The following PYGM variants were observed in gnomAD, a reference collection of about 807,000 sequenced individuals.
PYGM encodes the protein glycogen phosphorylase, muscle associated, also known as glycogen phosphorylase, muscle form.
Under a neutral mutation model 99.3 loss-of-function variants are expected in PYGM, and 81 were observed. The observed-to-expected ratio is 0.82, with a 90% CI of 0.68 to 0.98. The LOEUF (loss-of-function observed/expected upper bound fraction) is 0.98, where lower values mean the gene tolerates loss of function less well. Among genes scored for constraint, PYGM ranks in the 50% least tolerant of loss-of-function variants. The pLI is 0.00. For synonymous variants in PYGM, 436 were observed against 451.5 expected (o/e 0.97, Z 0.44); for missense variants, 1,030 against 1,158.1 (o/e 0.89, Z 1.61).
Position 64,754,435 on chromosome 11 carries a change from C to G in PYGM, c.1000-90G>C. On this transcript the variant is annotated intron_variant, in intron 8 of 19. Transcript: ENST00000164139. The surrounding 1 kb of genome is among the most constrained non-coding windows in gnomAD (Gnocchi z 5.5). ...TGCCATTTGGAGGCCCCCAGAGAGC[C>G]CAGCACGGTTCTGTGACTGGGCTGT... 2 of 1,254,286 alleles carry G rather than the reference C, an allele frequency of 1.6e-6. No homozygotes were observed. The highest frequency in any genetic ancestry group is 2.3e-6 in the Non-Finnish European group (2 of 871,002). 77.7% of individuals were successfully genotyped at this position (1,254,286 alleles called of 1,614,324 possible).
At position 64,751,924 on chromosome 11, in the gene PYGM, G is replaced by A. The variant is rs368545367; in HGVS notation, c.1768C>T (p.Arg590Cys). The change falls in exon 14 of 20, where the codon CGC (arginine) becomes TGC (cysteine). Residue 590 changes from arginine (R) to cysteine (C), a missense_variant and splice_region_variant. Transcript: ENST00000164139. ...NCLHVITLYNRIKREPNKFFV... is the reference protein window; with the variant it reads ...NCLHVITLYNCIKREPNKFFV... The stretch of plus-strand genomic sequence containing the variant: ...ACAGGGTAGAGTGGCTGCCACTCAC[G>A]GTTGTACAGGGTGATGACATGGAGG... The A allele has an allele frequency of 4.3e-6, 7 of 1,614,062 alleles. No individual in the cohort carries two copies. The highest frequency in any genetic ancestry group is 1.3e-5 in the African/African-American group (1 of 74,914).
In PYGM at chr11:64,758,637, G is replaced by T; in HGVS notation, c.311C>A (p.Ala104Asp). The T allele has an allele frequency of 6.2e-7, 1 of 1,613,714 alleles. No homozygotes were observed. Among genetic ancestry groups the T allele is most frequent in the Non-Finnish European group, 8.5e-7 (1 of 1,179,650 alleles). ...GGCCTCGTCACAGGCATTCTCTAAG[G>T]CCAGGTTCACCATGGTGTTCTGTAG... ...RTLQNTMVNLALENACDEATY... is the reference protein window; with the variant it reads ...RTLQNTMVNLDLENACDEATY... Residue 104 changes from alanine (A) to aspartate (D), a missense_variant, in exon 2 of 20, where the codon GCC becomes GAC. Ala to Asp is a moderately radical substitution (Grantham distance 126). Coordinates refer to ENST00000164139, the MANE Select transcript of PYGM (RefSeq NM_005609.4).
rs1416496920 is a variant in PYGM at position 64,747,361 on chromosome 11, GC to G, written c.2178-4del. 2.5e-6 allele frequency: 4 copies of G among 1,614,076 alleles called. No homozygotes were observed. Among genetic ancestry groups the G allele is most frequent in the Non-Finnish European group, 3.4e-6 (4 of 1,180,038 alleles). ...CGTAGTACTCCTGGGCATTGTACCT[GC>G]CAGGACAGAGCTGTGGTCAGCTCCC... On this transcript the variant is annotated splice_region_variant and splice_polypyrimidine_tract_variant and intron_variant, in intron 17 of 19. Coordinates refer to ENST00000164139, the MANE Select transcript of PYGM (RefSeq NM_005609.4).
In PYGM at chr11:64,746,694, G is replaced by A. The variant is rs757670205; in HGVS notation, c.2494C>T (p.Arg832Cys). The A allele has an allele frequency of 5.0e-6, 8 of 1,614,178 alleles. No individual in the cohort carries two copies. Among genetic ancestry groups the A allele is most frequent in the Middle Eastern group, 1.6e-4 (1 of 6,062 alleles). The change falls in exon 20 of 20, where the codon CGC (arginine) becomes TGC (cysteine). Residue 832 changes from arginine (R) to cysteine (C), a missense_variant. Physicochemically the swap from Arg to Cys is radical, Grantham distance 180. Coordinates refer to ENST00000164139, the MANE Select transcript of PYGM (RefSeq NM_005609.4). Reference sequence around the variant, plus strand: ...TCATCCGGGGCTGGCAGGCGCTGGCGGGAAGGCTCCACACCCCAGATCTCC... The same window carrying A: ...TCATCCGGGGCTGGCAGGCGCTGGCAGGAAGGCTCCACACCCCAGATCTCC... ...AREIWGVEPS[R>C]QRLPAPDEAI
At chr11:64,751,856 G>A in intron 14 of PYGM, 68 bp downstream of exon 14, 1 of 1,599,288 alleles carries the variant, frequency 6.3e-7, no homozygotes, top group Non-Finnish European at 8.6e-7. Context: ...TGTTGGTTGG[G>A]CAATATGTAC....
In PYGM at chr11:64,754,402, C is replaced by T. The variant is rs2058380504; in HGVS notation, c.1000-57G>A. On this transcript the variant is annotated intron_variant, in intron 8 of 19. Coordinates refer to ENST00000164139, the MANE Select transcript of PYGM (RefSeq NM_005609.4). The surrounding 1 kb of genome is among the most constrained non-coding windows in gnomAD (Gnocchi z 5.5). The stretch of plus-strand genomic sequence containing the variant: ...CAAACCACATTCCATGCTATGGTCA[C>T]TGCCCTATGCCATTTGGAGGCCCCC... 11 of 1,434,898 alleles carry T rather than the reference C, an allele frequency of 7.7e-6. No individual in the cohort carries two copies. The South Asian group carries it at 1.1e-4, about 15-fold the overall frequency. The allele number at this position is 1,434,898 out of a possible 1,614,324, so 88.9% of individuals were successfully genotyped here. A position where few individuals can be genotyped will look rare whatever the true frequency, so the allele number is the denominator to read the frequency against.
chr11:64,750,395 C>T lies in PYGM; in HGVS notation c.2158G>A (p.Asp720Asn), dbSNP rs1345296605. Residue 720 changes from aspartate (D) to asparagine (N), a missense_variant, in exon 17 of 20, where the codon GAT (aspartate) becomes AAT (asparagine). Physicochemically the swap from Asp to Asn is conservative, Grantham distance 23. Transcript: ENST00000164139. ...CCATACCCTCTTTGGTCAAGCTTAT[C>T]CACATCCTCCACCCGCATGCCAAAG... Reference protein sequence around the residue: ...FIFGMRVEDVDKLDQRGYNAQ... With the variant: ...FIFGMRVEDVNKLDQRGYNAQ... The T allele has an allele frequency of 1.2e-6, 2 of 1,614,120 alleles. No individual in the cohort carries two copies. Among genetic ancestry groups the T allele is most frequent in the Admixed American group, 3.3e-5 (2 of 60,014 alleles).
At chr11:64,747,542 C>T (rs1463537123) in intron 17 of PYGM, 184 bp from the exon 18 acceptor site, 10 of 697,382 alleles carry the variant, frequency 1.4e-5, no homozygotes, top group Admixed American at 2.5e-5. Context: ...CTTTTCATCC[C>T]TCCTTTGTGA....
At chr11:64,751,754 A>G in intron 14 of PYGM, 99 bp from the exon 15 acceptor site, 1 of 1,538,322 alleles carries the variant, frequency 6.5e-7, no homozygotes, top group Non-Finnish European at 9.0e-7. Flanking sequence ...TGACTCGAAC[A>G]ATCACTTGCT....
At position 64,759,809 on chromosome 11, in the gene PYGM, C is replaced by T; in HGVS notation, c.90G>A (p.Lys30=). ...TGAAATGCAGGTGCCGGTTGAAGTT[C>T]TTTTTCAGCTCAGTCACGTTCTCCA... The part of the protein sequence containing the change: ...AGVENVTELK[K]NFNRHLHFTL... Residue 30 remains lysine, a synonymous_variant, in exon 1 of 20, where the codon AAG becomes AAA. Coordinates refer to ENST00000164139, the MANE Select transcript of PYGM (RefSeq NM_005609.4). 5 of 1,614,182 alleles carry T rather than the reference C, an allele frequency of 3.1e-6. No homozygotes were observed. Among genetic ancestry groups the T allele is most frequent in the Non-Finnish European group, 4.2e-6 (5 of 1,180,028 alleles).
intron 17 of PYGM, 159 bp from the exon 18 acceptor site, chr11:64,747,517 C>G (rs2058323581): frequency 1.2e-6 from 1 of 809,168 alleles, no homozygotes; most frequent in South Asian, 1.5e-5. Flanking sequence ...CCTGCAACTC[C>G]CCTTCTCTGC....
At chr11:64,747,603 G>A in intron 17 of PYGM, 1 of 539,890 alleles carries the variant, frequency 1.9e-6, no homozygotes, top group Non-Finnish European at 3.3e-6. Context: ...TTAGAGCCAA[G>A]GCCCCCAAAC....
chr11:64,758,549 A>C, intron 2 of PYGM, 34 bp from the exon 3 acceptor site: 1 of 1,613,868 alleles, frequency 6.2e-7, no homozygotes, highest in Non-Finnish European at 8.5e-7. Flanking sequence ...GTCAGGGTCA[A>C]GTGTCAGCAG....
At chr11:64,751,243 A>G (rs1299407661) in intron 16 of PYGM, 82 bp downstream of exon 16, 49 of 1,578,612 alleles carry the variant, frequency 3.1e-5, no homozygotes, top group Non-Finnish European at 4.2e-5. Flanking sequence ...AAGTACAAGT[A>G]TCCCAGGAAG....
chr11:64,758,002 T>G (rs2135839543), intron 4 of PYGM, 92 bp from the exon 5 acceptor site: 1 of 1,561,264 alleles, frequency 6.4e-7, no homozygotes, highest in Non-Finnish European at 8.7e-7. Flanking sequence ...CGTGGGCCGG[T>G]GTACCCTACA....
At position 64,757,914 on chromosome 11, in the gene PYGM, C is replaced by T. The variant is rs766719801; in HGVS notation, c.529-4G>A. Reference sequence around the variant, plus strand: ...GCCAGTCATCGGCCTCCTCCATCTGCACCCAAGGCAGGTCAGGGAGAAAGG... The same window carrying T: ...GCCAGTCATCGGCCTCCTCCATCTGTACCCAAGGCAGGTCAGGGAGAAAGG... On this transcript the variant is annotated splice_polypyrimidine_tract_variant and splice_region_variant and intron_variant, in intron 4 of 19. Coordinates refer to ENST00000164139, the MANE Select transcript of PYGM (RefSeq NM_005609.4). The T allele has an allele frequency of 6.2e-6, 10 of 1,613,812 alleles. 1 individual carries two copies. The Admixed American group carries it at 8.3e-5, about 13-fold the overall frequency.
Position 64,753,509 on chromosome 11 carries a change from C to G in PYGM, c.1403+10G>C, listed in dbSNP as rs111318315. 6.3e-7 allele frequency: 1 copy of G among 1,579,062 alleles called. No homozygotes were observed. On this transcript the variant is annotated intron_variant, in intron 11 of 19. Transcript: ENST00000164139. The stretch of plus-strand genomic sequence containing the variant: ...CTAGAGAGGGGCGGGATCTGGAAAG[C>G]GGGGCTCACATGGTCTTCTTGAGGA...
Position 64,752,507 on chromosome 11 carries a change from A to C in PYGM, c.1519-3T>G, listed in dbSNP as rs745839996. 1.2e-6 allele frequency: 2 copies of C among 1,612,988 alleles called. No homozygotes were observed. The highest frequency in any genetic ancestry group is 4.5e-5 in the East Asian group (2 of 44,878). On this transcript the variant is annotated splice_polypyrimidine_tract_variant and splice_region_variant and intron_variant, in intron 12 of 19. Transcript: ENST00000164139. The stretch of plus-strand genomic sequence containing the variant: ...GAGATGAAGTCCTCCCCGATGCGCT[A>C]TGGGAAGACGGCTCTCAGCCAAGCC...
At chr11:64,751,297 C>T (rs1324012437) in intron 16 of PYGM, 28 bp downstream of exon 16, 22 of 1,613,768 alleles carry the variant, frequency 1.4e-5, no homozygotes, top group Non-Finnish European at 1.9e-5. Context: ...GTCAGAGCCT[C>T]CCTAGGGTCC....
Sources: allele counts gnomAD v4.1 joint callset, GRCh38; gene constraint gnomAD v4.1.1; non-coding constraint Gnocchi (gnomAD v3.1); transcripts MANE v1.5; gene names NCBI Gene and HGNC (gene_info 2026-07-23, HGNC 2026-07-21).